FCHSD2: variants seen among roughly 807,000 people sequenced by gnomAD.
The protein encoded by FCHSD2 is F-BAR and double SH3 domains protein 2.
In FCHSD2, 38 loss-of-function variants were observed where a neutral mutation model predicts 108.1. That is an observed-to-expected ratio of 0.35 (90% CI 0.27 to 0.46). The LOEUF (loss-of-function observed/expected upper bound fraction) is 0.46, where lower values mean the gene tolerates loss of function less well. FCHSD2 is among the 20% of genes least tolerant of loss of function. FCHSD2 has a pLI of 1.00. For synonymous variants in FCHSD2, 279 were observed against 314.7 expected (o/e 0.89, Z 1.20); for missense variants, 751 against 897.8 (o/e 0.84, Z 2.09).
intron 19 of FCHSD2, 47 bp from the exon 20 acceptor site, chr11:72,838,921 G>GT: frequency 6.6e-7 from 1 of 1,508,014 alleles, no homozygotes; most frequent in Admixed American, 1.9e-5. Context: ...TCCTGACTCA[G>GT]TATCTGAAGC....
At chr11:72,872,779 C>A (rs1854888614) in intron 12 of FCHSD2, among the ~76,000 whole-genome samples, 1 of 152,074 alleles carries the variant, frequency 6.6e-6, no homozygotes. Flanking sequence ...TTAGTGTGGA[C>A]ATGTTTTCAC....
intron 2 of FCHSD2, among the ~76,000 whole-genome samples, chr11:73,132,606 T>C (rs984528770): frequency 6.6e-6 from 1 of 152,132 alleles, no homozygotes; most frequent in Non-Finnish European, 1.5e-5. Context: ...GTGGATTGCT[T>C]GAGCCCAGGA....
At chr11:73,140,569 A>G (rs1861222749) in intron 1 of FCHSD2, among the ~76,000 whole-genome samples, 1 of 152,348 alleles carries the variant, frequency 6.6e-6, no homozygotes. Context: ...TTACACAATC[A>G]TGATAATATG....
intron 3 of FCHSD2, among the ~76,000 whole-genome samples, chr11:73,075,718 C>T (rs1192872546): frequency 1.3e-5 from 2 of 151,472 alleles, no homozygotes; most frequent in African/African-American, 4.9e-5. Flanking sequence ...AGGAGACTGA[C>T]GCATGAGAAT....
chr11:73,048,222 T>G (rs1858813232), intron 3 of FCHSD2, among the ~76,000 whole-genome samples: 1 of 152,212 alleles, frequency 6.6e-6, no homozygotes, highest in African/African-American at 2.4e-5. Flanking sequence ...ATATCCTGTT[T>G]AGCCAACTGT....
rs570864224 is a variant in FCHSD2 at position 73,081,175 on chromosome 11, C to T, written c.165+2520G>A. ...AATCGACCAGGCACTGTGGCTCATG[C>T]CTGAAATCCCAACACTTTGGGAGGC... On this transcript the variant is annotated intron_variant, in intron 3 of 19. Transcript: ENST00000409418. Among the ~76,000 whole-genome samples the T allele has an allele frequency of 4.6e-5, 7 of 152,202 alleles. No individual in the cohort carries two copies. In the Middle Eastern group the frequency reaches 0.01, roughly 222 times the overall value.
At chr11:73,111,568 G>A (rs1860486573) in intron 2 of FCHSD2, among the ~76,000 whole-genome samples, 1 of 150,652 alleles carries the variant, frequency 6.6e-6, no homozygotes, top group Non-Finnish European at 1.5e-5. Flanking sequence ...GCCACTCTAT[G>A]TCTTTTGATT....
In FCHSD2 at chr11:73,044,837, G is replaced by A. The variant is rs952883134; in HGVS notation, c.166-28952C>T. 5.3e-5 allele frequency among the ~76,000 whole-genome samples: 8 copies of A among 152,130 alleles called. 1 individual carries two copies. Among genetic ancestry groups the A allele is most frequent in the South Asian group, 2.1e-4 (1 of 4,822 alleles). On this transcript the variant is annotated intron_variant, in intron 3 of 19. Transcript: ENST00000409418. The stretch of plus-strand genomic sequence containing the variant: ...TGTAATCCCAGTACTTTGGGAGGCC[G>A]AGGCAGGTGGATCACGAGGTCAGGA...
At chr11:72,877,131 C>T (rs1169756678) in intron 12 of FCHSD2, among the ~76,000 whole-genome samples, 2 of 151,992 alleles carry the variant, frequency 1.3e-5, no homozygotes, top group Non-Finnish European at 2.9e-5. Flanking sequence ...GGACTACAGG[C>T]GTGCACCACC....
At position 72,841,475 on chromosome 11, in the gene FCHSD2, G is replaced by GA; in HGVS notation, c.2034dup (p.Pro679SerfsTer14). 1.2e-6 allele frequency: 2 copies of GA among 1,611,168 alleles called. No individual in the cohort carries two copies. The highest frequency in any genetic ancestry group is 1.7e-6 in the Non-Finnish European group (2 of 1,178,784). ...TTACCGTTTGCTGAAGGAGACCGGG[G>GA]AAAGTACAGGGAGCTCCTCTTATCT... On this transcript the variant is annotated frameshift_variant, in exon 18 of 20. Coordinates refer to ENST00000409418, the MANE Select transcript of FCHSD2 (RefSeq NM_014824.3). LOFTEE classifies it high-confidence loss of function.
intron 3 of FCHSD2, among the ~76,000 whole-genome samples, chr11:73,051,637 A>G (rs983028447): frequency 2.0e-5 from 3 of 152,162 alleles, no homozygotes; most frequent in African/African-American, 7.2e-5. Flanking sequence ...AAAGTTTAAA[A>G]CCACTATGGG....
At chr11:72,898,093 G>A (rs1413008296) in intron 10 of FCHSD2, among the ~76,000 whole-genome samples, 1 of 152,074 alleles carries the variant, frequency 6.6e-6, no homozygotes, top group African/African-American at 2.4e-5. Flanking sequence ...GTCACTTGTA[G>A]TCATCTTTTG....
chr11:72,909,238 T>C (rs1156400760), intron 9 of FCHSD2, among the ~76,000 whole-genome samples: 3 of 152,114 alleles, frequency 2.0e-5, no homozygotes, highest in Admixed American at 2.0e-4. Flanking sequence ...GGTTTCGCCC[T>C]GTTGACCGGG....
At chr11:73,088,501 G>T (rs376276570) in intron 2 of FCHSD2, among the ~76,000 whole-genome samples, 4 of 152,084 alleles carry the variant, frequency 2.6e-5, no homozygotes, top group Non-Finnish European at 2.9e-5. Context: ...AAATAGTAAT[G>T]AAAGTTTTCT....
chr11:72,852,169 G>A (rs1175599391), intron 13 of FCHSD2, among the ~76,000 whole-genome samples: 2 of 152,108 alleles, frequency 1.3e-5, no homozygotes, highest in Admixed American at 6.6e-5. Flanking sequence ...GATTATAGGA[G>A]TGAGCCATCA....
intron 3 of FCHSD2, among the ~76,000 whole-genome samples, chr11:73,036,090 A>T (rs985709905): frequency 2.0e-5 from 3 of 152,184 alleles, no homozygotes; most frequent in Admixed American, 2.0e-4. Flanking sequence ...TAGTTGAAAA[A>T]ACTAAAGGCT....
In FCHSD2 at chr11:72,838,786, C is replaced by T; in HGVS notation, c.*5G>A. 2 of 1,595,380 alleles carry T rather than the reference C, an allele frequency of 1.3e-6. No individual in the cohort carries two copies. The highest frequency in any genetic ancestry group is 1.7e-6 in the Non-Finnish European group (2 of 1,171,570). On this transcript the variant is annotated 3_prime_UTR_variant, in exon 20 of 20. Coordinates refer to ENST00000409418, the MANE Select transcript of FCHSD2 (RefSeq NM_014824.3). The stretch of plus-strand genomic sequence containing the variant: ...TGTAGCAGTAATGGATGGGCAAGCC[C>T]ATCATCACACCAGTGTGATTTCCAC...
intron 8 of FCHSD2, among the ~76,000 whole-genome samples, chr11:72,930,724 CAGGG>C (rs1856172495): frequency 6.6e-6 from 1 of 152,154 alleles, no homozygotes; most frequent in Non-Finnish European, 1.5e-5. Context: ...GCCTGGGTGA[CAGGG>C]CGAGACTCTG....
intron 3 of FCHSD2, among the ~76,000 whole-genome samples, chr11:73,043,506 T>C (rs962248861): frequency 6.6e-6 from 1 of 152,222 alleles, no homozygotes; most frequent in Non-Finnish European, 1.5e-5. Context: ...CATACAACTT[T>C]TATTGTTGTC....
Sources: allele counts gnomAD v4.1 joint callset (sites outside exome capture counted in the v4.1 genomes callset), GRCh38; gene constraint gnomAD v4.1.1; transcripts MANE v1.5; gene names NCBI Gene and HGNC (gene_info 2026-07-23, HGNC 2026-07-21).